RAMP1: variants seen among roughly 807,000 people sequenced by gnomAD.
RAMP1 encodes the protein receptor activity-modifying protein 1.
Under a neutral mutation model 8.2 loss-of-function variants are expected in RAMP1, and 7 were observed. The observed-to-expected ratio is 0.85, with a 90% CI of 0.49 to 1.60. The LOEUF is 1.60. Ranked by LOEUF, RAMP1 falls within the 40% of genes most tolerant of loss-of-function variation. The pLI is 0.00. For missense variants in RAMP1, 192 were observed against 202.4 expected (o/e 0.95, Z 0.31); for synonymous variants, 92 against 84.7 (o/e 1.09, Z -0.47).
At chr2:237,874,617 AC>A in intron 1 of RAMP1, 1 of 970,386 alleles carries the variant, frequency 1.0e-6, no homozygotes, top group Non-Finnish European at 1.2e-6. Flanking sequence ...GTGGTTCATG[AC>A]CCTGACACCC....
rs1559940123 is a variant in RAMP1, at chr2:237,877,216, TATTTCAGCCCATC to T, written c.53-6_59del. On this transcript the variant is annotated splice_acceptor_variant and splice_polypyrimidine_tract_variant and coding_sequence_variant and intron_variant, in exon 2 of 3. Coordinates refer to ENST00000254661, the MANE Select transcript of RAMP1 (RefSeq NM_005855.4). LOFTEE classifies it high-confidence loss of function. The surrounding 1 kb of genome is among the most constrained non-coding windows in gnomAD (Gnocchi z 4.4). ...CCCGCCATCTCTTCATGGCCGTGTC[TATTTCAGCCCATC>T]ACCTCTTCATGACCACTGCCTGCCA... 1.9e-6 allele frequency: 3 copies of T among 1,613,776 alleles called. No individual in the cohort carries two copies. Among genetic ancestry groups the T allele is most frequent in the Non-Finnish European group, 2.5e-6 (3 of 1,179,998 alleles).
At chr2:237,907,626 A>G (rs139662016) in intron 2 of RAMP1, among the ~76,000 whole-genome samples, 2 of 151,958 alleles carry the variant, frequency 1.3e-5, no homozygotes, top group African/African-American at 4.8e-5. Context: ...CTCTGATGCC[A>G]TATCTTTTTA....
chr2:237,905,484 C>T (rs1230416073), intron 2 of RAMP1, among the ~76,000 whole-genome samples: 1 of 152,208 alleles, frequency 6.6e-6, no homozygotes, highest in Non-Finnish European at 1.5e-5. Flanking sequence ...TCTGCCTCAG[C>T]GTGGCCTCGG....
intron 1 of RAMP1, among the ~76,000 whole-genome samples, chr2:237,874,391 A>T (rs1206703201): frequency 6.6e-6 from 1 of 152,192 alleles, no homozygotes; most frequent in Admixed American, 6.5e-5. Flanking sequence ...CCGCACGGGG[A>T]CTGGCTCTGC....
intron 2 of RAMP1, among the ~76,000 whole-genome samples, chr2:237,895,615 G>A (rs1000300869): frequency 2.0e-4 from 31 of 152,304 alleles, no homozygotes; most frequent in African/African-American, 6.3e-4. Context: ...AGGGCGCCCC[G>A]TGGGTGGGCA....
chr2:237,885,796 C>A (rs1417273547), intron 2 of RAMP1, among the ~76,000 whole-genome samples: 1 of 152,232 alleles, frequency 6.6e-6, no homozygotes, highest in Non-Finnish European at 1.5e-5. Flanking sequence ...TCTGTTCCCC[C>A]ACCCTCTGCC....
chr2:237,910,402 AAC>A (rs1213335155), intron 2 of RAMP1, among the ~76,000 whole-genome samples: 6 of 150,798 alleles, frequency 4.0e-5, no homozygotes, highest in South Asian at 2.1e-4. Flanking sequence ...CACACAGAGT[AAC>A]ACAGTGTTGC....
intron 2 of RAMP1, among the ~76,000 whole-genome samples, chr2:237,881,275 C>T (rs1030750220): frequency 6.6e-6 from 1 of 152,246 alleles, no homozygotes; most frequent in Non-Finnish European, 1.5e-5. Context: ...GTATAGTACT[C>T]CGCCGTGCAG....
At chr2:237,902,548 A>AG in intron 2 of RAMP1, among the ~76,000 whole-genome samples, 1 of 151,964 alleles carries the variant, frequency 6.6e-6, no homozygotes, top group African/African-American at 2.4e-5. Flanking sequence ...ACCCTTCCAC[A>AG]GAGCCCCTTC....
chr2:237,883,354 G>A (rs992289663), intron 2 of RAMP1, among the ~76,000 whole-genome samples: 10 of 152,206 alleles, frequency 6.6e-5, no homozygotes, highest in Admixed American at 2.0e-4. Context: ...CGGCCGGCCA[G>A]CCTTTTATGG....
intron 2 of RAMP1, among the ~76,000 whole-genome samples, chr2:237,885,262 C>G (rs956852784): frequency 2.0e-5 from 3 of 151,408 alleles, no homozygotes; most frequent in African/African-American, 7.4e-5. Context: ...GCAGGGTGTC[C>G]TCCTGGATTT....
At chr2:237,886,845 A>G (rs2062438336) in intron 2 of RAMP1, among the ~76,000 whole-genome samples, 1 of 152,220 alleles carries the variant, frequency 6.6e-6, no homozygotes, top group Admixed American at 6.5e-5. Context: ...GACGCTAACC[A>G]GATCCCGGCA....
chr2:237,864,193 T>G (rs1213430339), intron 1 of RAMP1, among the ~76,000 whole-genome samples: 1 of 152,076 alleles, frequency 6.6e-6, no homozygotes, highest in Non-Finnish European at 1.5e-5. Context: ...GGGGTACAGC[T>G]TGCCCAGGAA....
intron 1 of RAMP1, among the ~76,000 whole-genome samples, chr2:237,866,815 A>G (rs111514963): frequency 1.7e-3 from 250 of 151,042 alleles, no homozygotes; most frequent in African/African-American, 5.7e-3. Flanking sequence ...CACAACCTCC[A>G]ACTCCCGGGT....
chr2:237,863,231 G>A (rs1198882792), intron 1 of RAMP1, among the ~76,000 whole-genome samples: 1 of 152,162 alleles, frequency 6.6e-6, no homozygotes, highest in Non-Finnish European at 1.5e-5. Context: ...GGCCCTGGTG[G>A]CTCCAGCACT....
At position 237,877,313 on chromosome 2, in the gene RAMP1, A is replaced by G. The variant is rs1044004510; in HGVS notation, c.142A>G (p.Met48Val). ...ELCLTQFQVD[M>V]EAVGETLWCD... Reference sequence around the variant, plus strand: ...CTGCCTCACCCAGTTCCAGGTAGACATGGAGGCCGTCGGGGAGACGCTGTG... The same window carrying G: ...CTGCCTCACCCAGTTCCAGGTAGACGTGGAGGCCGTCGGGGAGACGCTGTG... Residue 48 changes from methionine to valine, a missense_variant, in exon 2 of 3, where the codon ATG becomes GTG. Transcript: ENST00000254661. The surrounding 1 kb of genome is among the most constrained non-coding windows in gnomAD (Gnocchi z 4.4). 3.7e-6 allele frequency: 6 copies of G among 1,614,002 alleles called. 2 individuals carry two copies. The highest frequency in any genetic ancestry group is 5.1e-6 in the Non-Finnish European group (6 of 1,179,996).
intron 2 of RAMP1, among the ~76,000 whole-genome samples, chr2:237,880,581 C>T (rs1171510002): frequency 6.6e-6 from 1 of 152,168 alleles, no homozygotes; most frequent in African/African-American, 2.4e-5. Flanking sequence ...ATGGGTGAAT[C>T]CCTATTTAAG....
Position 237,878,430 on chromosome 2 carries a change from C to G in RAMP1, c.191+1068C>G, listed in dbSNP as rs2062332154. 6.6e-6 allele frequency among the ~76,000 whole-genome samples: 1 copy of G among 152,226 alleles called. No individual in the cohort carries two copies. The highest frequency in any genetic ancestry group is 2.1e-4 in the South Asian group (1 of 4,832). ...GGCACAATTCTGTGGGGTTGAAGAC[C>G]CCTAGTTGGACTCGTCACCCCTCCC... On this transcript the variant is annotated intron_variant, in intron 2 of 2. Coordinates refer to ENST00000254661, the MANE Select transcript of RAMP1 (RefSeq NM_005855.4). This position sits in a 1 kb window ranked among gnomAD's most constrained non-coding sequence, Gnocchi z 5.7.
intron 1 of RAMP1, among the ~76,000 whole-genome samples, chr2:237,869,176 G>A (rs2062218834): frequency 6.6e-6 from 1 of 152,166 alleles, no homozygotes; most frequent in African/African-American, 2.4e-5. Context: ...GTTCACGCAG[G>A]GGAGAGGATG....
Sources: gnomAD v4.1 joint callset for allele counts (sites outside exome capture counted in the v4.1 genomes callset) on GRCh38, gnomAD v4.1.1 for gene constraint, Gnocchi (gnomAD v3.1) non-coding constraint, MANE v1.5 for transcripts, NCBI Gene and HGNC (gene_info 2026-07-23, HGNC 2026-07-21) for gene names.